The following GOLT1B variants were observed in gnomAD, a reference collection of about 807,000 sequenced individuals.
GOLT1B encodes vesicle transport protein GOT1B.
GOLT1B carries 3 observed loss-of-function variants against 15.4 expected under a neutral mutation model. That is an observed-to-expected ratio of 0.19 (90% confidence interval 0.09 to 0.50). The LOEUF (loss-of-function observed/expected upper bound fraction) is 0.50, where lower values mean the gene tolerates loss of function less well. Ranked by LOEUF, GOLT1B falls within the 20% of genes least tolerant of loss-of-function variation. The pLI, the probability that GOLT1B is intolerant of heterozygous loss-of-function variation, is 0.97. For synonymous variants in GOLT1B, 65 were observed against 56.2 expected, an observed-to-expected ratio of 1.16 and a Z score of -0.70; for missense variants, 145 against 160.4, an observed-to-expected ratio of 0.90 and a Z score of 0.52.
chr12:21,507,048 A>G (rs1943683970), intron 2 of GOLT1B, 72 bp downstream of exon 2: 3 of 698,434 alleles, frequency 4.3e-6, no homozygotes, highest in Non-Finnish European at 7.7e-6. Flanking sequence ...ATTATCTGCT[A>G]TTAAATTTGG....
rs1943757166 is a variant in GOLT1B at position 21,516,558 on chromosome 12, C to A, written c.*851C>A. 6.6e-6 allele frequency: 1 copy of A among 151,900 alleles called. No homozygotes were observed. Among genetic ancestry groups the A allele is most frequent in the Non-Finnish European group, 1.5e-5 (1 of 67,884 alleles). The allele number at this position is 151,900 out of a possible 1,614,324, so 9.4% of individuals were successfully genotyped here. On this transcript the variant is annotated 3_prime_UTR_variant, in exon 5 of 5. Coordinates refer to ENST00000229314, the MANE Select transcript of GOLT1B (RefSeq NM_016072.5). ...ATTGAAGATACTAAATGATGCAAAC[C>A]AAATGGATTTTTTCCATGTCATGAT...
In GOLT1B at chr12:21,508,467, A is replaced by G; in HGVS notation, c.202A>G (p.Thr68Ala). 6.3e-7 allele frequency: 1 copy of G among 1,591,092 alleles called. No homozygotes were observed. The highest frequency in any genetic ancestry group is 8.6e-7 in the Non-Finnish European group (1 of 1,160,406). ...CTTCCAAAAACATAAAATGAAAGCT[A>G]CAGGTTTTTTTCTGGGTGGTGTATT... ...FFFQKHKMKATGFFLGGVFVV... is the reference protein window; with the variant it reads ...FFFQKHKMKAAGFFLGGVFVV... The change falls in exon 3 of 5, where the codon ACA becomes GCA. Residue 68 changes from threonine to alanine, a missense_variant. Thr to Ala is a moderately conservative substitution (Grantham distance 58, BLOSUM62 0). Coordinates refer to ENST00000229314, the MANE Select transcript of GOLT1B (RefSeq NM_016072.5).
intron 3 of GOLT1B, among the ~76,000 whole-genome samples, chr12:21,509,074 G>A (rs541323848): frequency 2.0e-5 from 3 of 152,230 alleles, no homozygotes; most frequent in East Asian, 3.9e-4. Flanking sequence ...CCAGTTAGCA[G>A]ATAAACAATA....
Position 21,518,089 on chromosome 12 carries a change from A to T in GOLT1B, c.*2382A>T, listed in dbSNP as rs1343333571. ...CTTTAAAAAGTCCCACTGTCAGATT[A>T]TATTATCTAACAATTGAATATTGTA... On this transcript the variant is annotated 3_prime_UTR_variant, in exon 5 of 5. Coordinates refer to ENST00000229314, the MANE Select transcript of GOLT1B (RefSeq NM_016072.5). The T allele has an allele frequency of 6.6e-6, 1 of 152,538 alleles. No individual in the cohort carries two copies. Among genetic ancestry groups the T allele is most frequent in the African/African-American group, 2.4e-5 (1 of 41,464 alleles). The allele number at this position is 152,538 out of a possible 1,614,324, so 9.4% of individuals were successfully genotyped here.
chr12:21,508,863 C>T (rs1395234230), intron 3 of GOLT1B, among the ~76,000 whole-genome samples: 12 of 146,074 alleles, frequency 8.2e-5, no homozygotes, highest in South Asian at 4.6e-4. Context: ...GTAGGTCGGT[C>T]GATCGATCAA....
Position 21,501,859 on chromosome 12 carries a change from C to G in GOLT1B, c.-65C>G. ...TGGGCTGTTTCCCGGCTTCATTTCT[C>G]CCGACTCAGCTTCCCACCCTGGGCT... On this transcript the variant is annotated 5_prime_UTR_variant, in exon 1 of 5. Transcript: ENST00000229314. The G allele has an allele frequency of 2.6e-6, 3 of 1,172,222 alleles. No individual in the cohort carries two copies. The highest frequency in any genetic ancestry group is 3.8e-6 in the Non-Finnish European group (3 of 781,026). The allele number at this position is 1,172,222 out of a possible 1,614,324, so 72.6% of individuals were successfully genotyped here. A position where few individuals can be genotyped will look rare whatever the true frequency, so the allele number is the denominator to read the frequency against.
chr12:21,508,210 C>A, intron 2 of GOLT1B, 173 bp from the exon 3 acceptor site: 1 of 579,250 alleles, frequency 1.7e-6, no homozygotes. Flanking sequence ...AATGCATAAC[C>A]CACTCCTTGG....
chr12:21,505,078 T>C (rs1189473095), intron 1 of GOLT1B, among the ~76,000 whole-genome samples: 1 of 152,208 alleles, frequency 6.6e-6, no homozygotes, highest in African/African-American at 2.4e-5. Flanking sequence ...TAAACTTCAA[T>C]TTCCTCCATC....
chr12:21,504,747 G>A (rs1943667517), intron 1 of GOLT1B, among the ~76,000 whole-genome samples: 1 of 152,164 alleles, frequency 6.6e-6, no homozygotes. Context: ...TAAAATTTTT[G>A]TATAAACACT....
chr12:21,503,424 A>G (rs922784025), intron 1 of GOLT1B, among the ~76,000 whole-genome samples: 2 of 152,196 alleles, frequency 1.3e-5, no homozygotes, highest in Non-Finnish European at 2.9e-5. Flanking sequence ...ACTATCACCT[A>G]AGAAGACTTG....
At chr12:21,509,972 G>C (rs1313567092) in intron 3 of GOLT1B, among the ~76,000 whole-genome samples, 1 of 152,188 alleles carries the variant, frequency 6.6e-6, no homozygotes, top group Admixed American at 6.5e-5. Flanking sequence ...ATTTGGGCTG[G>C]GGGAGCAGTG....
intron 4 of GOLT1B, among the ~76,000 whole-genome samples, chr12:21,514,845 G>C (rs77303889): frequency 0.047 from 7,144 of 152,132 alleles, 301 homozygotes; most frequent in African/African-American, 0.11. Flanking sequence ...ATCATGATAA[G>C]TGCTTATGTA....
At position 21,505,161 on chromosome 12, in the gene GOLT1B, C is replaced by T. The variant is rs79239417; in HGVS notation, c.26-1724C>T. ...TAAGTTATATATAAGGTATGTGAAGCACTTCATAAGGCCTAATTCGTGGTA... is the reference window on the plus strand; with the variant it reads ...TAAGTTATATATAAGGTATGTGAAGTACTTCATAAGGCCTAATTCGTGGTA... On this transcript the variant is annotated intron_variant, in intron 1 of 4. Coordinates refer to ENST00000229314, the MANE Select transcript of GOLT1B (RefSeq NM_016072.5). Among the ~76,000 whole-genome samples the T allele has an allele frequency of 7.9e-5, 12 of 152,244 alleles. 1 individual carries two copies. In the East Asian group the frequency reaches 2.1e-3, roughly 27 times the overall value.
intron 3 of GOLT1B, among the ~76,000 whole-genome samples, chr12:21,509,637 G>T (rs772171227): frequency 1.3e-5 from 2 of 152,166 alleles, no homozygotes; most frequent in Non-Finnish European, 2.9e-5. Context: ...CATTATAAAT[G>T]TGTATGCAGA....
chr12:21,515,135 T>C, intron 4 of GOLT1B: 3 of 611,042 alleles, frequency 4.9e-6, no homozygotes, highest in East Asian at 2.9e-5. Flanking sequence ...TTAATGTCAT[T>C]ACCACTTTCA....
chr12:21,513,054 CAGTA>C (rs1943731153), intron 4 of GOLT1B, among the ~76,000 whole-genome samples: 1 of 116,894 alleles, frequency 8.6e-6, no homozygotes, highest in South Asian at 2.7e-4. Flanking sequence ...GTGGGTGACA[CAGTA>C]AGACCCTGTC....
chr12:21,510,331 A>G (rs1430843390), intron 3 of GOLT1B, among the ~76,000 whole-genome samples: 1 of 152,252 alleles, frequency 6.6e-6, no homozygotes, highest in East Asian at 1.9e-4. Context: ...CTTGCAGCAG[A>G]AAACTTAAGC....
intron 1 of GOLT1B, among the ~76,000 whole-genome samples, chr12:21,504,123 C>T (rs1943661289): frequency 6.6e-6 from 1 of 152,190 alleles, no homozygotes; most frequent in Non-Finnish European, 1.5e-5. Flanking sequence ...CGTGTCTTTC[C>T]TTATACAATT....
At chr12:21,502,768 A>T (rs1490743523) in intron 1 of GOLT1B, among the ~76,000 whole-genome samples, 1 of 152,050 alleles carries the variant, frequency 6.6e-6, no homozygotes, top group Non-Finnish European at 1.5e-5. Flanking sequence ...TTTTGTATTT[A>T]TGTCTGCCCA....
Sources: gnomAD v4.1 joint callset for allele counts (sites outside exome capture counted in the v4.1 genomes callset) on GRCh38, gnomAD v4.1.1 for gene constraint, MANE v1.5 for transcripts, NCBI Gene and HGNC (gene_info 2026-07-23, HGNC 2026-07-21) for gene names.